MON1A: variants seen among roughly 807,000 people sequenced by gnomAD.
The protein encoded by MON1A is vacuolar fusion protein MON1 homolog A.
MON1A carries 29 observed loss-of-function variants against 44.6 expected under a neutral mutation model. That is an observed-to-expected ratio of 0.65 (90% CI 0.48 to 0.89). MON1A has a LOEUF of 0.89. Ranked by LOEUF, MON1A falls within the 40% of genes least tolerant of loss-of-function variation. The pLI, the probability that MON1A is intolerant of heterozygous loss-of-function variation, is 0.00. For missense variants in MON1A, 615 were observed against 759.6 expected, an observed-to-expected ratio of 0.81 and a Z score of 2.24; for synonymous variants, 275 against 316.4, an observed-to-expected ratio of 0.87 and a Z score of 1.39.
At chr3:49,922,436 C>T (rs2083007530) in intron 1 of MON1A, among the ~76,000 whole-genome samples, 1 of 149,952 alleles carries the variant, frequency 6.7e-6, no homozygotes, top group Non-Finnish European at 1.5e-5. Flanking sequence ...AGGTTGAGAT[C>T]GTGCCACCAC....
rs138503145 is a variant in MON1A at position 49,924,622 on chromosome 3, C to T, written c.-14+4987G>A. The T allele has an allele frequency of 2.7e-3, 528 of 198,644 alleles. 3 individuals are homozygous for T. The highest frequency in any genetic ancestry group is 0.01 in the African/African-American group (430 of 42,076). 12.3% of individuals were successfully genotyped at this position (198,644 alleles called of 1,614,324 possible). A position where few individuals can be genotyped will look rare whatever the true frequency, so the allele number is the denominator to read the frequency against. On this transcript the variant is annotated intron_variant, in intron 1 of 5. Coordinates refer to ENST00000296473, the MANE Select transcript of MON1A (RefSeq NM_032355.4). ...TGAACCCGGGGGGAGGCAGAGGTTG[C>T]AGTGAGCTGAGATCGCACTGCTGCA...
chr3:49,923,220 A>G (rs1292451916), intron 1 of MON1A, among the ~76,000 whole-genome samples: 1 of 151,046 alleles, frequency 6.6e-6, no homozygotes, highest in African/African-American at 2.4e-5. Context: ...GCATGCCTGT[A>G]ATTCCAGCTA....
intron 1 of MON1A, 63 bp downstream of exon 1, chr3:49,929,546 C>T: frequency 6.5e-7 from 1 of 1,539,418 alleles, no homozygotes; most frequent in Non-Finnish European, 8.8e-7. Flanking sequence ...CCCCTCCCTC[C>T]AAAGATGACA....
intron 1 of MON1A, among the ~76,000 whole-genome samples, chr3:49,927,049 G>C (rs2083058124): frequency 6.6e-6 from 1 of 152,190 alleles, no homozygotes; most frequent in African/African-American, 2.4e-5. Context: ...AAAGTGCTGG[G>C]ATTACAGGCA....
At position 49,909,369 on chromosome 3, in the gene MON1A, C is replaced by T; in HGVS notation, c.1411G>A (p.Glu471Lys). 1.2e-6 allele frequency: 2 copies of T among 1,614,128 alleles called. No individual in the cohort carries two copies. Among genetic ancestry groups the T allele is most frequent in the South Asian group, 2.2e-5 (2 of 91,084 alleles). The change falls in exon 5 of 6, where the codon GAG (glutamate) becomes AAG (lysine). Residue 471 changes from glutamate (E) to lysine (K), a missense_variant. Physicochemically the swap from Glu to Lys is moderately conservative, Grantham distance 56. Coordinates refer to ENST00000296473, the MANE Select transcript of MON1A (RefSeq NM_032355.4). The surrounding 1 kb of genome is among the most constrained non-coding windows in gnomAD (Gnocchi z 4.0). Reference sequence around the variant, plus strand: ...AGGCCCAGCAGCCGCTCCTGCTCCTCTTCACTGGTGTATGGGGCCTCAATC... The same window carrying T: ...AGGCCCAGCAGCCGCTCCTGCTCCTTTTCACTGGTGTATGGGGCCTCAATC... ...PEIEAPYTSE[E>K]EQERLLGLYQ...
In MON1A at chr3:49,910,187, A is replaced by G; in HGVS notation, c.1311T>C (p.Val437=). Residue 437 remains valine (V), a synonymous_variant, in exon 4 of 6, where the codon GTT becomes GTC. Coordinates refer to ENST00000296473, the MANE Select transcript of MON1A (RefSeq NM_032355.4). The surrounding 1 kb of genome is among the most constrained non-coding windows in gnomAD (Gnocchi z 8.0). ...REALRTPYYS[V]AQVGIPDLRH... ...GCAGGTCAGGGATGCCCACTTGGGC[A>G]ACGCTGTAGTAGGGTGTGCGCAGTG... The G allele has an allele frequency of 7.4e-6, 12 of 1,612,698 alleles. No homozygotes were observed. The highest frequency in any genetic ancestry group is 9.3e-6 in the Non-Finnish European group (11 of 1,178,844).
At chr3:49,922,810 C>T (rs2083013256) in intron 1 of MON1A, among the ~76,000 whole-genome samples, 2 of 151,546 alleles carry the variant, frequency 1.3e-5, no homozygotes, top group African/African-American at 4.8e-5. Flanking sequence ...CTCCTGGGTT[C>T]AGGCAATTCT....
chr3:49,909,699 T>G lies in MON1A; in HGVS notation c.1380-299A>C. On this transcript the variant is annotated intron_variant, in intron 4 of 5. Transcript: ENST00000296473. This position sits in a 1 kb window ranked among gnomAD's most constrained non-coding sequence, Gnocchi z 4.0. ...CCAAGACAGAGTGACAGATCTGGAGTAGAGGAAAGGTGAGCTAGGAATCCT... is the reference window on the plus strand; with the variant it reads ...CCAAGACAGAGTGACAGATCTGGAGGAGAGGAAAGGTGAGCTAGGAATCCT... 2.6e-6 allele frequency: 1 copy of G among 387,650 alleles called. No individual in the cohort carries two copies. Among genetic ancestry groups the G allele is most frequent in the Non-Finnish European group, 4.6e-6 (1 of 215,280 alleles). 24.0% of individuals were successfully genotyped at this position (387,650 alleles called of 1,614,324 possible). A position where few individuals can be genotyped will look rare whatever the true frequency, so the allele number is the denominator to read the frequency against.
rs779422754 is a variant in MON1A, at chr3:49,912,014, G to C, written c.128-3C>G. On this transcript the variant is annotated splice_polypyrimidine_tract_variant and splice_region_variant and intron_variant, in intron 2 of 5. Coordinates refer to ENST00000296473, the MANE Select transcript of MON1A (RefSeq NM_032355.4). ...CATGGCACCCTCCTGGCCCGCACCT[G>C]CAGGCCAAAAGCACTGGTGCTTAGA... The C allele has an allele frequency of 6.4e-7, 1 of 1,563,190 alleles. No individual in the cohort carries two copies. Among genetic ancestry groups the C allele is most frequent in the Non-Finnish European group, 8.7e-7 (1 of 1,152,590 alleles).
At chr3:49,923,338 AAGGGAGGG>A (rs199906345) in intron 1 of MON1A, among the ~76,000 whole-genome samples, 2 of 118,958 alleles carry the variant, frequency 1.7e-5, no homozygotes, top group Non-Finnish European at 3.4e-5. Flanking sequence ...GGAGGGAAGG[AAGGGAGGG>A]AGGGAGGGAG....
At position 49,909,391 on chromosome 3, in the gene MON1A, A is replaced by C. The variant is rs757517074; in HGVS notation, c.1389T>G (p.Ile463Met). The change falls in exon 5 of 6, where the codon ATT (isoleucine) becomes ATG (methionine). Residue 463 changes from isoleucine to methionine, a missense_variant. Coordinates refer to ENST00000296473, the MANE Select transcript of MON1A (RefSeq NM_032355.4). This position sits in a 1 kb window ranked among gnomAD's most constrained non-coding sequence, Gnocchi z 4.0. ...CCTCTTCACTGGTGTATGGGGCCTCAATCTCAGGGCTGCAGACAGGGTGGA... is the reference window on the plus strand; with the variant it reads ...CCTCTTCACTGGTGTATGGGGCCTCCATCTCAGGGCTGCAGACAGGGTGGA... ...KSSGLFTSPE[I>M]EAPYTSEEEQ... 5 of 1,613,934 alleles carry C rather than the reference A, an allele frequency of 3.1e-6. No individual in the cohort carries two copies. The highest frequency in any genetic ancestry group is 4.2e-6 in the Non-Finnish European group (5 of 1,179,988).
Position 49,910,790 on chromosome 3 carries a change from C to T in MON1A, c.708G>A (p.Leu236=). ...TTAGGATCTGGTAGTAGATGTAGAG[C>T]AGCTCCTGCGCCAGCTCTTGTGCCG... The part of the protein sequence containing the change: ...RQSAQELAQE[L]LYIYYQILSL... Residue 236 remains leucine, a synonymous_variant, in exon 4 of 6, where the codon CTG becomes CTA. Coordinates refer to ENST00000296473, the MANE Select transcript of MON1A (RefSeq NM_032355.4). The surrounding 1 kb of genome is among the most constrained non-coding windows in gnomAD (Gnocchi z 8.0). 1 of 1,614,020 alleles carries T rather than the reference C, an allele frequency of 6.2e-7. No homozygotes were observed. Among genetic ancestry groups the T allele is most frequent in the South Asian group, 1.1e-5 (1 of 91,074 alleles).
chr3:49,923,235 G>C (rs573955582), intron 1 of MON1A, among the ~76,000 whole-genome samples: 1 of 150,522 alleles, frequency 6.6e-6, no homozygotes, highest in Non-Finnish European at 1.5e-5. Flanking sequence ...CAGCTACCCC[G>C]GGAGGCTGAG....
chr3:49,920,030 T>C (rs2082983093), intron 1 of MON1A, among the ~76,000 whole-genome samples: 1 of 152,224 alleles, frequency 6.6e-6, no homozygotes, highest in African/African-American at 2.4e-5. Flanking sequence ...GGGAAATATA[T>C]GGAGCTCACG....
rs756362215 is a variant in MON1A at position 49,911,548 on chromosome 3, G to A, written c.591C>T (p.Asn197=). ...CACCTGCATGGATGGAGCGGATGGC[G>A]TTCTTGTCTGCCTCCAGGAAGGACA... is the stretch of plus-strand genomic sequence containing the variant. The part of the protein sequence containing the change: ...ALVSFLEADK[N]AIRSIHADGY... Residue 197 remains asparagine, a synonymous_variant, in exon 3 of 6, where the codon AAC becomes AAT. Coordinates refer to ENST00000296473, the MANE Select transcript of MON1A (RefSeq NM_032355.4). This position sits in a 1 kb window ranked among gnomAD's most constrained non-coding sequence, Gnocchi z 5.7. The A allele has an allele frequency of 2.9e-5, 46 of 1,612,364 alleles. No homozygotes were observed. In the Admixed American group the frequency reaches 4.7e-4, roughly 16 times the overall value.
chr3:49,922,533 G>GGAGGGAGGGAGAGAAGGAAGGAA (rs2083009729), intron 1 of MON1A, among the ~76,000 whole-genome samples: 1 of 135,890 alleles, frequency 7.4e-6, no homozygotes, highest in African/African-American at 2.9e-5. Context: ...GAAGGAAGGA[G>GGAGGGAGGGAGAGAAGGAAGGAA]GGAGGGAGGG....
intron 1 of MON1A, among the ~76,000 whole-genome samples, chr3:49,924,943 G>A (rs1426581580): frequency 2.6e-5 from 4 of 152,162 alleles, no homozygotes; most frequent in Admixed American, 1.3e-4. Context: ...TGACTTCAAC[G>A]TAATAAGAGA....
chr3:49,911,879 A>T lies in MON1A; in HGVS notation c.260T>A (p.Met87Lys), dbSNP rs762186587. ...TRGPPPLPTD[M>K]RQISQDFSEL... Reference sequence around the variant, plus strand: ...GCTAAAGTCCTGGCTGATCTGGCGCATGTCTGTAGGCAGCGGCGGGGGACC... The same window carrying T: ...GCTAAAGTCCTGGCTGATCTGGCGCTTGTCTGTAGGCAGCGGCGGGGGACC... Residue 87 changes from methionine to lysine, a missense_variant, in exon 3 of 6, where the codon ATG (methionine) becomes AAG (lysine). Transcript: ENST00000296473. The surrounding 1 kb of genome is among the most constrained non-coding windows in gnomAD (Gnocchi z 5.7). The T allele has an allele frequency of 1.7e-5, 27 of 1,614,082 alleles. No homozygotes were observed. In the East Asian group the frequency reaches 6.0e-4, roughly 36 times the overall value.
intron 1 of MON1A, among the ~76,000 whole-genome samples, chr3:49,915,235 A>T (rs1288201608): frequency 6.6e-6 from 1 of 152,232 alleles, no homozygotes; most frequent in Admixed American, 6.5e-5. Flanking sequence ...CTGGGAGTTG[A>T]AACAACTCTG....
Sources: gnomAD v4.1 joint callset for allele counts (sites outside exome capture counted in the v4.1 genomes callset) on GRCh38, gnomAD v4.1.1 for gene constraint, Gnocchi (gnomAD v3.1) non-coding constraint, MANE v1.5 for transcripts, NCBI Gene and HGNC (gene_info 2026-07-23, HGNC 2026-07-21) for gene names.